SNRPA: variants seen among roughly 807,000 people sequenced by gnomAD.
SNRPA encodes the protein small nuclear ribonucleoprotein polypeptide A.
A neutral mutation model predicts 24.5 loss-of-function variants in SNRPA; 10 were observed. The observed-to-expected ratio is 0.41, with a 90% CI of 0.25 to 0.69. The LOEUF (loss-of-function observed/expected upper bound fraction) is 0.69, where lower values mean the gene tolerates loss of function less well. Ranked by LOEUF, SNRPA falls within the 30% of genes least tolerant of loss-of-function variation. SNRPA has a pLI of 0.33. For missense variants in SNRPA, 283 were observed against 394.7 expected, an observed-to-expected ratio of 0.72 and a Z score of 2.40; for synonymous variants, 165 against 148.4, an observed-to-expected ratio of 1.11 and a Z score of -0.81.
In SNRPA at chr19:40,761,124, T is replaced by A. The variant is rs529171590; in HGVS notation, c.426+1514T>A. 2.1e-4 allele frequency among the ~76,000 whole-genome samples: 30 copies of A among 139,856 alleles called. No homozygotes were observed. In the South Asian group the frequency reaches 6.2e-3, roughly 29 times the overall value. 91.8% of individuals were successfully genotyped at this position (139,856 alleles called of 152,430 possible). A position where few individuals can be genotyped will look rare whatever the true frequency, so the allele number is the denominator to read the frequency against. ...ACAGGCACATGCCACCACGTCCATG[T>A]GCAAAAAAAAAAAAAAAACCTGCAG... On this transcript the variant is annotated intron_variant, in intron 3 of 5. Transcript: ENST00000243563.
chr19:40,755,595 T>A (rs967572799), intron 1 of SNRPA, among the ~76,000 whole-genome samples: 2 of 152,226 alleles, frequency 1.3e-5, no homozygotes, highest in Non-Finnish European at 1.5e-5. Flanking sequence ...AGACTGGTCT[T>A]GAACTCTTGA....
chr19:40,753,382 A>ATTTTTTTTT (rs1482457821), intron 1 of SNRPA, among the ~76,000 whole-genome samples: 3 of 62,184 alleles, frequency 4.8e-5, no homozygotes, highest in Non-Finnish European at 6.7e-5. Flanking sequence ...AATTTTGCAT[A>ATTTTTTTTT]TGTTTTTTTT....
intron 3 of SNRPA, among the ~76,000 whole-genome samples, chr19:40,761,031 G>T (rs576318750): frequency 1.3e-5 from 2 of 151,306 alleles, no homozygotes; most frequent in African/African-American, 4.9e-5. Flanking sequence ...GTGCAATCTC[G>T]GCTCACTGCA....
At chr19:40,760,550 A>T (rs1298457186) in intron 3 of SNRPA, among the ~76,000 whole-genome samples, 1 of 152,212 alleles carries the variant, frequency 6.6e-6, no homozygotes, top group Non-Finnish European at 1.5e-5. Context: ...TTCGGTAAAC[A>T]CTGGACACTG....
Position 40,763,068 on chromosome 19 carries a change from C to T in SNRPA, c.594C>T (p.Ala198=), listed in dbSNP as rs746369733. ...TTATGCCAGGACAGATGCCCCCTGC[C>T]CAGCCTGTGAGTATCTAGTCCCACC... The part of the protein sequence containing the change: ...QQLMPGQMPP[A]QPLSENPPNH... Residue 198 remains alanine, a synonymous_variant, in exon 4 of 6, where the codon GCC becomes GCT. Transcript: ENST00000243563. 12 of 1,568,262 alleles carry T rather than the reference C, an allele frequency of 7.7e-6. No individual in the cohort carries two copies. The South Asian group carries it at 1.2e-4, about 16-fold the overall frequency.
chr19:40,754,396 G>A (rs1054311546), intron 1 of SNRPA, among the ~76,000 whole-genome samples: 3 of 152,096 alleles, frequency 2.0e-5, no homozygotes, highest in Non-Finnish European at 2.9e-5. Context: ...CACCGCACCC[G>A]GCCAGAACCC....
At chr19:40,755,257 CTTT>C (rs1004235207) in intron 1 of SNRPA, among the ~76,000 whole-genome samples, 1,823 of 82,594 alleles carry the variant, frequency 0.022, 21 homozygotes, top group Non-Finnish European at 0.03. Flanking sequence ...TTTTTCTTTT[CTTT>C]TTTTTTTTTT....
rs934938827 is a variant in SNRPA at position 40,759,550 on chromosome 19, G to A, written c.366G>A (p.Lys122=). ...KPKSQETPAT[K]KAVQGGGATP... is the part of the protein sequence containing the mutation. Reference sequence around the variant, plus strand: ...AGAGCCAGGAGACCCCGGCCACCAAGAAGGCTGTGCAAGGCGGGGGAGCCA... The same window carrying A: ...AGAGCCAGGAGACCCCGGCCACCAAAAAGGCTGTGCAAGGCGGGGGAGCCA... Residue 122 remains lysine (K), a synonymous_variant, in exon 3 of 6, where the codon AAG becomes AAA. Coordinates refer to ENST00000243563, the MANE Select transcript of SNRPA (RefSeq NM_004596.5). 6.2e-7 allele frequency: 1 copy of A among 1,613,958 alleles called. No homozygotes were observed. The highest frequency in any genetic ancestry group is 2.2e-5 in the East Asian group (1 of 44,886).
At chr19:40,762,777 TGCCTTTTGC>T (rs1176741968) in intron 3 of SNRPA, 115 bp from the exon 4 acceptor site, 1 of 927,628 alleles carries the variant, frequency 1.1e-6, no homozygotes, top group Non-Finnish European at 1.6e-6. Context: ...CCTCTTTGGG[TGCCTTTTGC>T]GCCTCTTTCT....
At chr19:40,764,046 G>A (rs1157407762) in intron 5 of SNRPA, among the ~76,000 whole-genome samples, 4 of 152,234 alleles carry the variant, frequency 2.6e-5, no homozygotes, top group Admixed American at 6.5e-5. Context: ...AGAAGTCAGC[G>A]TGCTCAGAAA....
intron 1 of SNRPA, among the ~76,000 whole-genome samples, chr19:40,753,521 C>T (rs1429391598): frequency 2.1e-5 from 3 of 146,106 alleles, no homozygotes; most frequent in Non-Finnish European, 4.5e-5. Context: ...CTCAGCCTCC[C>T]GAGTAGCTGG....
At chr19:40,757,538 T>C in intron 2 of SNRPA, 34 bp downstream of exon 2, 2 of 1,574,674 alleles carry the variant, frequency 1.3e-6, no homozygotes, top group South Asian at 1.2e-5. Context: ...TGTGTGGGTG[T>C]GTAAAATGTT....
chr19:40,752,682 G>A (rs887581119), intron 1 of SNRPA, among the ~76,000 whole-genome samples: 53 of 151,122 alleles, frequency 3.5e-4, no homozygotes, highest in Admixed American at 2.2e-3. Flanking sequence ...AGCTAGAGAG[G>A]TTGAGGCTGC....
rs746525368 is a variant in SNRPA at position 40,753,384 on chromosome 19, G to GT, written c.73+1933dup. On this transcript the variant is annotated intron_variant, in intron 1 of 5. Coordinates refer to ENST00000243563, the MANE Select transcript of SNRPA (RefSeq NM_004596.5). ...AATCAGGAGTGTAAATTTTGCATAT[G>GT]TTTTTTTTTTTTTTTTTTTTTTTTT... 1.5e-3 allele frequency among the ~76,000 whole-genome samples: 58 copies of GT among 38,388 alleles called. 3 individuals carry two copies. Among genetic ancestry groups the GT allele is most frequent in the East Asian group, 5.1e-3 (5 of 984 alleles). The allele number at this position is 38,388 out of a possible 152,430, so 25.2% of individuals were successfully genotyped here. A position where few individuals can be genotyped will look rare whatever the true frequency, so the allele number is the denominator to read the frequency against.
Position 40,765,030 on chromosome 19 carries a change from C to T in SNRPA, c.712C>T (p.Arg238Cys). Residue 238 changes from arginine (R) to cysteine (C), a missense_variant, in exon 6 of 6, where the codon CGT (arginine) becomes TGT (cysteine). Arg to Cys is a radical substitution (Grantham distance 180, BLOSUM62 -3). Transcript: ENST00000243563. Reference sequence around the variant, plus strand: ...CAGGTTCCCTGGCTTCAAGGAGGTCCGTCTGGTACCCGGGCGGCATGACAT... The same window carrying T: ...CAGGTTCCCTGGCTTCAAGGAGGTCTGTCTGGTACCCGGGCGGCATGACAT... Reference protein sequence around the residue: ...FNQFPGFKEVRLVPGRHDIAF... With the variant: ...FNQFPGFKEVCLVPGRHDIAF... 6.3e-7 allele frequency: 1 copy of T among 1,580,204 alleles called. No homozygotes were observed. The highest frequency in any genetic ancestry group is 8.6e-7 in the Non-Finnish European group (1 of 1,165,402).
chr19:40,759,420 C>G lies in SNRPA; in HGVS notation c.247-11C>G, dbSNP rs200297050. On this transcript the variant is annotated splice_polypyrimidine_tract_variant and intron_variant, in intron 2 of 5. Transcript: ENST00000243563. ...CCACGCTCTTAACCCGTTCTGCTCT[C>G]TGTTTGGTAGCGTATCCAGTATGCC... 758 of 1,606,776 alleles carry G rather than the reference C, an allele frequency of 4.7e-4. 3 individuals carry two copies. The highest frequency in any genetic ancestry group is 1.3e-3 in the Middle Eastern group (8 of 6,018).
intron 3 of SNRPA, among the ~76,000 whole-genome samples, chr19:40,760,550 A>C (rs1298457186): frequency 6.6e-6 from 1 of 152,212 alleles, no homozygotes; most frequent in Non-Finnish European, 1.5e-5. Context: ...TTCGGTAAAC[A>C]CTGGACACTG....
chr19:40,764,983 C>A, intron 5 of SNRPA, 25 bp from the exon 6 acceptor site: 1 of 1,524,824 alleles, frequency 6.6e-7, no homozygotes, highest in South Asian at 1.3e-5. Context: ...ATGCTGAGTC[C>A]CTGAGGTCTG....
intron 1 of SNRPA, among the ~76,000 whole-genome samples, chr19:40,754,926 C>T (rs2607416): frequency 0.1 from 15,428 of 152,022 alleles, 904 homozygotes; most frequent in East Asian, 0.17. Flanking sequence ...GGATGGAGTA[C>T]GGAGAGGAAA....
Sources: gnomAD v4.1 joint callset for allele counts (sites outside exome capture counted in the v4.1 genomes callset) on GRCh38, gnomAD v4.1.1 for gene constraint, MANE v1.5 for transcripts, NCBI Gene and HGNC (gene_info 2026-07-23, HGNC 2026-07-21) for gene names.